PLGRKT: variants seen among roughly 807,000 people sequenced by gnomAD.
PLGRKT encodes the protein plasminogen receptor (KT).
In PLGRKT, 22 loss-of-function variants were observed where a neutral mutation model predicts 18.5. That is an observed-to-expected ratio of 1.19 (90% CI 0.85 to 1.70). PLGRKT has a LOEUF of 1.70. Ranked by LOEUF, PLGRKT falls within the 40% of genes most tolerant of loss-of-function variation. PLGRKT has a pLI of 0.00. For missense variants in PLGRKT, 235 were observed against 174.4 expected (o/e 1.35, Z -1.96); for synonymous variants, 72 against 52.8 (o/e 1.36, Z -1.58).
intron 3 of PLGRKT, among the ~76,000 whole-genome samples, chr9:5,415,114 C>G (rs11788563): frequency 0.23 from 34,928 of 151,872 alleles, 4,432 homozygotes; most frequent in Non-Finnish European, 0.29. Context: ...AGGCCTGGAG[C>G]AGGAACAATA....
intron 3 of PLGRKT, among the ~76,000 whole-genome samples, chr9:5,426,303 G>C (rs1196568604): frequency 6.6e-6 from 1 of 152,024 alleles, no homozygotes; most frequent in Non-Finnish European, 1.5e-5. Flanking sequence ...ACTTACATTT[G>C]ATATAAATAT....
chr9:5,371,770 CA>C (rs1817521573), intron 3 of PLGRKT, among the ~76,000 whole-genome samples: 1 of 151,954 alleles, frequency 6.6e-6, no homozygotes, highest in Non-Finnish European at 1.5e-5. Context: ...TGAGTAAAAA[CA>C]ATAAGGGTGT....
At chr9:5,433,420 C>A (rs1236567554) in intron 2 of PLGRKT, among the ~76,000 whole-genome samples, 1 of 150,914 alleles carries the variant, frequency 6.6e-6, no homozygotes, top group African/African-American at 2.4e-5. Context: ...TGCCTGGCTG[C>A]CCCATCTGGG....
chr9:5,415,048 C>T (rs1818432988), intron 3 of PLGRKT, among the ~76,000 whole-genome samples: 1 of 152,168 alleles, frequency 6.6e-6, no homozygotes, highest in Non-Finnish European at 1.5e-5. Flanking sequence ...TCTTGATTTC[C>T]AAATATCATT....
intron 2 of PLGRKT, among the ~76,000 whole-genome samples, chr9:5,432,277 C>T (rs1331728059): frequency 2.0e-5 from 3 of 152,114 alleles, no homozygotes; most frequent in African/African-American, 7.2e-5. Context: ...TTTCTTCCCA[C>T]CATAAATCTT....
At chr9:5,385,448 G>A (rs1471607942) in intron 3 of PLGRKT, among the ~76,000 whole-genome samples, 2 of 151,434 alleles carry the variant, frequency 1.3e-5, no homozygotes, top group African/African-American at 2.4e-5. Context: ...CTCCTGCCTC[G>A]TGATCCTCCT....
rs773772628 is a variant in PLGRKT at position 5,361,151 on chromosome 9, C to A, written c.249G>T (p.Pro83=). Residue 83 remains proline, a synonymous_variant, in exon 5 of 6, where the codon CCG becomes CCT. Coordinates refer to ENST00000223864, the MANE Select transcript of PLGRKT (RefSeq NM_018465.4). ...IKKKKPAFLV[P]IVPLSFILTY... Reference sequence around the variant, plus strand: ...TGAGGATAAAGCTTAATGGAACAATCGGGACCAGGAAGGCTGGCTTCTTTT... The same window carrying A: ...TGAGGATAAAGCTTAATGGAACAATAGGGACCAGGAAGGCTGGCTTCTTTT... 2 of 1,610,454 alleles carry A rather than the reference C, an allele frequency of 1.2e-6. No homozygotes were observed. The highest frequency in any genetic ancestry group is 1.7e-5 in the Admixed American group (1 of 59,784).
chr9:5,418,736 G>C lies in PLGRKT; in HGVS notation c.81+13161C>G. ...ACCGGCATGTGCTCCGAAGCGTGTG[G>C]AATGGTGATGACAGCCAGGACCTCG... On this transcript the variant is annotated intron_variant, in intron 3 of 5. Transcript: ENST00000223864. The surrounding 1 kb of genome is among the most constrained non-coding windows in gnomAD (Gnocchi z 4.2). 4.4e-6 allele frequency: 3 copies of C among 679,262 alleles called. No homozygotes were observed. Among genetic ancestry groups the C allele is most frequent in the East Asian group, 5.5e-5 (2 of 36,312 alleles). The allele number at this position is 679,262 out of a possible 1,614,324, so 42.1% of individuals were successfully genotyped here. A position where few individuals can be genotyped will look rare whatever the true frequency, so the allele number is the denominator to read the frequency against.
intron 3 of PLGRKT, among the ~76,000 whole-genome samples, chr9:5,391,548 A>T (rs1817949616): frequency 6.6e-6 from 1 of 151,964 alleles, no homozygotes; most frequent in Non-Finnish European, 1.5e-5. Flanking sequence ...AAGCAGTGAT[A>T]AACTGGTGTA....
intron 3 of PLGRKT, among the ~76,000 whole-genome samples, chr9:5,386,386 G>A (rs1302240603): frequency 6.6e-6 from 1 of 151,782 alleles, no homozygotes. Context: ...GGGGATATTT[G>A]GCAGTGTCTG....
At position 5,418,708 on chromosome 9, in the gene PLGRKT, A is replaced by C; in HGVS notation, c.81+13189T>G. ...GCACCCACTGCCGGGAAGTCTGATG[A>C]AGACCGGCATGTGCTCCGAAGCGTG... On this transcript the variant is annotated intron_variant, in intron 3 of 5. Transcript: ENST00000223864. This position sits in a 1 kb window ranked among gnomAD's most constrained non-coding sequence, Gnocchi z 4.2. 1.5e-6 allele frequency: 1 copy of C among 665,636 alleles called. No individual in the cohort carries two copies. The highest frequency in any genetic ancestry group is 2.8e-6 in the Non-Finnish European group (1 of 358,138). 41.2% of individuals were successfully genotyped at this position (665,636 alleles called of 1,614,324 possible).
chr9:5,437,996 G>A (rs542413461), upstream of PLGRKT: 1 of 152,356 alleles, frequency 6.6e-6, no homozygotes. Context: ...GTGTCCTTCC[G>A]GGCCAGGCTC....
intron 3 of PLGRKT, among the ~76,000 whole-genome samples, chr9:5,393,666 A>C (rs1957781918): frequency 6.6e-6 from 1 of 151,894 alleles, no homozygotes; most frequent in East Asian, 1.9e-4. Context: ...TTTTGGAATC[A>C]GAAATTCTCT....
At chr9:5,416,648 AC>A (rs1397145208) in intron 3 of PLGRKT, among the ~76,000 whole-genome samples, 11 of 151,770 alleles carry the variant, frequency 7.2e-5, no homozygotes, top group Non-Finnish European at 1.6e-4. Flanking sequence ...AAGGAGGAAA[AC>A]AAAAAAAAAA....
intron 3 of PLGRKT, among the ~76,000 whole-genome samples, chr9:5,371,270 A>C (rs1427394502): frequency 6.6e-6 from 1 of 152,172 alleles, no homozygotes; most frequent in Non-Finnish European, 1.5e-5. Context: ...AGCTGACAGA[A>C]CCTAGGAAAG....
intron 3 of PLGRKT, among the ~76,000 whole-genome samples, chr9:5,428,111 G>T (rs188512696): frequency 7.0e-4 from 107 of 152,268 alleles, no homozygotes; most frequent in Non-Finnish European, 1.3e-3. Flanking sequence ...TGAATCTAGG[G>T]GTCCCCAGAG....
intron 3 of PLGRKT, among the ~76,000 whole-genome samples, chr9:5,411,395 A>AAAAAAG (rs1818362891): frequency 1.3e-5 from 2 of 148,178 alleles, no homozygotes; most frequent in South Asian, 2.1e-4. Flanking sequence ...AAAAAAAAAA[A>AAAAAAG]AAAAGAAAAG....
At chr9:5,422,524 G>A (rs778278314) in intron 3 of PLGRKT, among the ~76,000 whole-genome samples, 1 of 152,076 alleles carries the variant, frequency 6.6e-6, no homozygotes, top group African/African-American at 2.4e-5. Flanking sequence ...AGAAAGGGAG[G>A]GATATTCTCA....
intron 3 of PLGRKT, among the ~76,000 whole-genome samples, chr9:5,422,217 T>C (rs1818591239): frequency 6.6e-6 from 1 of 152,140 alleles, no homozygotes; most frequent in Non-Finnish European, 1.5e-5. Context: ...CACAGGTTGA[T>C]GGGGAAACTT....
Sources: gnomAD v4.1 joint callset for allele counts (sites outside exome capture counted in the v4.1 genomes callset) on GRCh38, gnomAD v4.1.1 for gene constraint, Gnocchi (gnomAD v3.1) non-coding constraint, MANE v1.5 for transcripts, NCBI Gene and HGNC (gene_info 2026-07-23, HGNC 2026-07-21) for gene names.